Variants in TMEM232 observed in about 807,000 individuals in gnomAD.
TMEM232 encodes the protein transmembrane protein 232.
A neutral mutation model predicts 78.8 loss-of-function variants in TMEM232; 80 were observed. The observed-to-expected ratio is 1.01, with a 90% CI of 0.85 to 1.22. TMEM232 has a LOEUF of 1.22. TMEM232 is among the 50% of genes most tolerant of loss of function. The pLI, the probability that TMEM232 is intolerant of heterozygous loss-of-function variation, is 0.00. For synonymous variants in TMEM232, 297 were observed against 254.3 expected (o/e 1.17, Z -1.60); for missense variants, 881 against 742.2 (o/e 1.19, Z -2.17).
At chr5:110,528,354 AT>A (rs1231873540) in intron 12 of TMEM232, among the ~76,000 whole-genome samples, 1 of 151,906 alleles carries the variant, frequency 6.6e-6, no homozygotes, top group Non-Finnish European at 1.5e-5. Context: ...CCTCACAAGA[AT>A]TACATTAATA....
chr5:110,696,821 T>A (rs1794845305), intron 1 of TMEM232, among the ~76,000 whole-genome samples: 1 of 152,034 alleles, frequency 6.6e-6, no homozygotes, highest in African/African-American at 2.4e-5. Context: ...TGGAAGAACA[T>A]TCCATGCTCA....
At chr5:110,511,833 G>T (rs957935221) in intron 12 of TMEM232, among the ~76,000 whole-genome samples, 23 of 152,040 alleles carry the variant, frequency 1.5e-4, no homozygotes, top group African/African-American at 4.6e-4. Flanking sequence ...GCTTATTGCG[G>T]TTCCTAAGAT....
At chr5:110,709,380 TG>T in intron 1 of TMEM232, among the ~76,000 whole-genome samples, 2 of 152,242 alleles carry the variant, frequency 1.3e-5, no homozygotes, top group South Asian at 4.1e-4. Flanking sequence ...ATAGGACAAA[TG>T]GACCTAATAA....
chr5:110,416,289 T>C (rs114317320), downstream of TMEM232, among the ~76,000 whole-genome samples: 1,259 of 152,360 alleles, frequency 8.3e-3, 19 homozygotes, highest in African/African-American at 0.029. Context: ...ATGTCTTTTC[T>C]ACAGAGGCAT....
At chr5:110,558,609 T>A (rs1485982580) in intron 11 of TMEM232, among the ~76,000 whole-genome samples, 1 of 152,028 alleles carries the variant, frequency 6.6e-6, no homozygotes, top group Non-Finnish European at 1.5e-5. Context: ...AAGACTAGCC[T>A]CATCCCACAG....
intron 8 of TMEM232, among the ~76,000 whole-genome samples, chr5:110,610,199 C>CAAGGAAGG (rs200771122): frequency 0.03 from 1,484 of 49,194 alleles, 17 homozygotes; most frequent in African/African-American, 0.043. Context: ...AAGGAAGGAA[C>CAAGGAAGG]AAGGAAGGAA....
chr5:110,569,846 A>T (rs1036223203), intron 10 of TMEM232, among the ~76,000 whole-genome samples: 9 of 151,966 alleles, frequency 5.9e-5, no homozygotes, highest in Admixed American at 5.9e-4. Context: ...ATAAACTTGA[A>T]CTTGCTTAGA....
At chr5:110,589,745 A>T (rs1779279734) in intron 10 of TMEM232, among the ~76,000 whole-genome samples, 1 of 152,168 alleles carries the variant, frequency 6.6e-6, no homozygotes, top group Admixed American at 6.6e-5. Flanking sequence ...AATGCCTGGA[A>T]CATTCAAAGA....
In TMEM232 at chr5:110,504,580, T is replaced by C. The variant is rs572094653; in HGVS notation, c.1703+24008A>G. On this transcript the variant is annotated intron_variant, in intron 12 of 13. Transcript: ENST00000455884. ...AGCTAGAGACCCAGGATTGCCAATGTATAGTTCCAGTCTGAAAGCTCACAG... is the reference window on the plus strand; with the variant it reads ...AGCTAGAGACCCAGGATTGCCAATGCATAGTTCCAGTCTGAAAGCTCACAG... Among the ~76,000 whole-genome samples, 11 of 152,316 alleles carry C rather than the reference T, an allele frequency of 7.2e-5. No individual in the cohort carries two copies. In the East Asian group the frequency reaches 2.1e-3, roughly 29 times the overall value.
chr5:110,441,226 T>C (rs1026882606), intron 12 of TMEM232, among the ~76,000 whole-genome samples: 3 of 152,184 alleles, frequency 2.0e-5, no homozygotes, highest in Non-Finnish European at 2.9e-5. Context: ...CTCTGGCCTC[T>C]GCCCACTAGA....
chr5:110,536,890 G>T (rs751286826), intron 11 of TMEM232, among the ~76,000 whole-genome samples: 2 of 152,140 alleles, frequency 1.3e-5, no homozygotes, highest in Non-Finnish European at 2.9e-5. Flanking sequence ...TAAAAGGGTT[G>T]CTTTAAGTGG....
upstream of TMEM232, among the ~76,000 whole-genome samples, chr5:110,730,803 G>T (rs1007642463): frequency 6.6e-6 from 1 of 152,078 alleles, no homozygotes; most frequent in Non-Finnish European, 1.5e-5. Context: ...GTTAAGATTT[G>T]GGTGGAGACA....
intron 10 of TMEM232, among the ~76,000 whole-genome samples, chr5:110,581,290 A>G (rs1778182149): frequency 6.6e-6 from 1 of 152,096 alleles, no homozygotes; most frequent in Admixed American, 6.6e-5. Flanking sequence ...CAGTAGCCAA[A>G]ACAGCATGGT....
At chr5:110,524,753 C>A (rs910510539) in intron 12 of TMEM232, among the ~76,000 whole-genome samples, 3 of 151,996 alleles carry the variant, frequency 2.0e-5, no homozygotes, top group Non-Finnish European at 2.9e-5. Context: ...GTATTGATAT[C>A]TTCTATTATT....
intron 1 of TMEM232, among the ~76,000 whole-genome samples, chr5:110,715,977 A>C (rs190970332): frequency 2.0e-4 from 30 of 152,196 alleles, no homozygotes; most frequent in Non-Finnish European, 3.8e-4. Flanking sequence ...CAATCAGAAA[A>C]TTTTTAAATC....
chr5:110,588,000 A>G (rs559817599), intron 10 of TMEM232, among the ~76,000 whole-genome samples: 3 of 151,980 alleles, frequency 2.0e-5, no homozygotes, highest in Admixed American at 1.3e-4. Context: ...AAAAACCACA[A>G]CCTTATTACT....
At chr5:110,400,254 C>G (rs535976718) in intron 2 of TMEM232, among the ~76,000 whole-genome samples, 1 of 152,018 alleles carries the variant, frequency 6.6e-6, no homozygotes, top group Non-Finnish European at 1.5e-5. Context: ...GTAAAACGTG[C>G]GATATTGAGC....
intron 12 of TMEM232, among the ~76,000 whole-genome samples, chr5:110,525,222 C>T (rs954822520): frequency 2.0e-5 from 3 of 148,804 alleles, no homozygotes; most frequent in Non-Finnish European, 4.4e-5. Context: ...ACTAGGCATA[C>T]TCAGCTGATA....
At chr5:110,708,302 G>A (rs1333663233) in intron 1 of TMEM232, among the ~76,000 whole-genome samples, 1 of 152,152 alleles carries the variant, frequency 6.6e-6, no homozygotes, top group Admixed American at 6.6e-5. Context: ...CAAGTTGAGG[G>A]ATTTCATCAA....
Sources: allele counts gnomAD v4.1 joint callset (sites outside exome capture counted in the v4.1 genomes callset), GRCh38; gene constraint gnomAD v4.1.1; transcripts MANE v1.5; gene names NCBI Gene and HGNC (gene_info 2026-07-23, HGNC 2026-07-21).